AKR7A3: variants seen among roughly 807,000 people sequenced by gnomAD.
The protein encoded by AKR7A3 is AFB1 aldehyde reductase 2.
Under a neutral mutation model 32.5 loss-of-function variants are expected in AKR7A3, and 37 were observed. The ratio of observed to expected loss-of-function variants is 1.14; its 90% CI spans 0.88 to 1.50. The LOEUF (loss-of-function observed/expected upper bound fraction) is 1.50. AKR7A3 is among the 40% of genes most tolerant of loss of function. AKR7A3 has a pLI of 0.00. For synonymous variants in AKR7A3, 177 were observed against 188.4 expected, an observed-to-expected ratio of 0.94 and a Z score of 0.50; for missense variants, 412 against 453.2, an observed-to-expected ratio of 0.91 and a Z score of 0.83.
intron 1 of AKR7A3, among the ~76,000 whole-genome samples, chr1:19,287,466 C>CAG (rs1202309231): frequency 3.3e-5 from 5 of 151,852 alleles, no homozygotes; most frequent in Non-Finnish European, 7.3e-5. Context: ...CTCAGACACT[C>CAG]AGTGGAAGGA....
the AKR7A3 span, among the ~76,000 whole-genome samples, chr1:19,277,052 T>G: frequency 6.6e-6 from 1 of 151,760 alleles, no homozygotes. Context: ...AGGTGGAGGC[T>G]GCAGTGAGCC....
downstream of AKR7A3, among the ~76,000 whole-genome samples, chr1:19,280,983 A>G (rs1389362309): frequency 6.6e-6 from 1 of 151,890 alleles, no homozygotes; most frequent in African/African-American, 2.4e-5. Context: ...ATTTATGTCT[A>G]GCCTTATGCT....
chr1:19,278,886 A>G (rs2093714868), downstream of AKR7A3, among the ~76,000 whole-genome samples: 1 of 151,954 alleles, frequency 6.6e-6, no homozygotes, highest in African/African-American at 2.4e-5. Flanking sequence ...AACCTTTTGC[A>G]ATTGGCGTCT....
chr1:19,279,777 T>C (rs550236308), downstream of AKR7A3, among the ~76,000 whole-genome samples: 1 of 152,078 alleles, frequency 6.6e-6, no homozygotes, highest in East Asian at 1.9e-4. Flanking sequence ...ATTATTGATA[T>C]TGTTATTGTT....
At chr1:19,283,317 G>A (rs1246613275) in intron 6 of AKR7A3, among the ~76,000 whole-genome samples, 1 of 151,710 alleles carries the variant, frequency 6.6e-6, no homozygotes, top group African/African-American at 2.4e-5. Flanking sequence ...AGGAAGACAT[G>A]AGGCACTGAG....
downstream of AKR7A3, among the ~76,000 whole-genome samples, chr1:19,278,736 AACCCTGT>A (rs1246664549): frequency 1.3e-5 from 2 of 151,824 alleles, no homozygotes; most frequent in Non-Finnish European, 2.9e-5. Flanking sequence ...ACCCAAAAGA[AACCCTGT>A]ACTTATTAGC....
chr1:19,275,735 G>T, the AKR7A3 span, among the ~76,000 whole-genome samples: 1 of 151,712 alleles, frequency 6.6e-6, no homozygotes, highest in African/African-American at 2.4e-5. Context: ...AGCCTAGGAG[G>T]TCAAGGCTGC....
chr1:19,288,426 G>A (rs542095657), intron 1 of AKR7A3, 70 bp downstream of exon 1: 3 of 1,533,712 alleles, frequency 2.0e-6, no homozygotes, highest in Non-Finnish European at 2.6e-6. Context: ...CAGGGAGAGC[G>A]GGGCGGTACA....
downstream of AKR7A3, among the ~76,000 whole-genome samples, chr1:19,277,776 C>A (rs1463193758): frequency 2.6e-5 from 4 of 151,998 alleles, no homozygotes; most frequent in Non-Finnish European, 1.5e-5. Context: ...CCACCTCAGC[C>A]TCCCAAAGTG....
At chr1:19,287,987 A>C (rs1470345831) in intron 1 of AKR7A3, among the ~76,000 whole-genome samples, 1 of 152,186 alleles carries the variant, frequency 6.6e-6, no homozygotes, top group African/African-American at 2.4e-5. Flanking sequence ...AGGTACTCAG[A>C]GCAAAGTCCG....
At chr1:19,279,361 C>A (rs2093715656), downstream of AKR7A3, among the ~76,000 whole-genome samples, 1 of 151,762 alleles carries the variant, frequency 6.6e-6, no homozygotes, top group Admixed American at 6.6e-5. Flanking sequence ...TACTTATTGG[C>A]TATTATGAGT....
At position 19,286,309 on chromosome 1, in the gene AKR7A3, A is replaced by T; in HGVS notation, c.278T>A (p.Phe93Tyr). 1 of 1,613,920 alleles carries T rather than the reference A, an allele frequency of 6.2e-7. No individual in the cohort carries two copies. The highest frequency in any genetic ancestry group is 1.1e-5 in the South Asian group (1 of 91,078). The stretch of plus-strand genomic sequence containing the variant: ...CCGCTTCAGTGACGTCTCCAGCTGG[A>T]ACCGGAGACTGTCAGGCTTCAGGGA... ...GNSLKPDSLR[F>Y]QLETSLKRLQ... The change falls in exon 2 of 7, where the codon TTC (phenylalanine) becomes TAC (tyrosine). Residue 93 changes from phenylalanine (F) to tyrosine (Y), a missense_variant. Phe to Tyr is a conservative substitution (Grantham distance 22). Coordinates refer to ENST00000361640, the MANE Select transcript of AKR7A3 (RefSeq NM_012067.3).
chr1:19,281,499 G>T (rs958531990), downstream of AKR7A3, among the ~76,000 whole-genome samples: 1 of 151,698 alleles, frequency 6.6e-6, no homozygotes, highest in African/African-American at 2.4e-5. Flanking sequence ...AACCAGGTGG[G>T]TGGCTCACAC....
chr1:19,288,524 C>A lies in AKR7A3; in HGVS notation c.186G>T (p.Gly62=). The part of the protein sequence containing the change: ...GQSETILGGL[G]LRLGGSDCRV... Reference sequence around the variant, plus strand: ...TGCAGTCGCTGCCGCCCAGCCGGAGCCCCAGGCCGCCAAGGATGGTCTCGG... The same window carrying A: ...TGCAGTCGCTGCCGCCCAGCCGGAGACCCAGGCCGCCAAGGATGGTCTCGG... The change falls in exon 1 of 7, where the codon GGG becomes GGT. Residue 62 remains glycine (G), a synonymous_variant. Transcript: ENST00000361640. 6.2e-7 allele frequency: 1 copy of A among 1,611,096 alleles called. No individual in the cohort carries two copies. The highest frequency in any genetic ancestry group is 8.5e-7 in the Non-Finnish European group (1 of 1,179,474).
chr1:19,282,071 A>G (rs1055559816), downstream of AKR7A3, among the ~76,000 whole-genome samples: 1 of 151,920 alleles, frequency 6.6e-6, no homozygotes, highest in African/African-American at 2.4e-5. Flanking sequence ...TTGGGTGACT[A>G]TTGGGAAGGG....
chr1:19,284,930 T>C (rs1280742642), intron 4 of AKR7A3, 88 bp downstream of exon 4: 3 of 1,596,988 alleles, frequency 1.9e-6, no homozygotes, highest in Non-Finnish European at 2.6e-6. Context: ...GGTCAAAGTT[T>C]GTCAAACCCT....
chr1:19,280,329 T>G (rs2093716818), downstream of AKR7A3, among the ~76,000 whole-genome samples: 3 of 150,144 alleles, frequency 2.0e-5, 1 homozygote, highest in African/African-American at 7.4e-5. Context: ...CTGCAACCTC[T>G]GCCTCCTGGG....
At chr1:19,287,159 A>G (rs1450757234) in intron 1 of AKR7A3, among the ~76,000 whole-genome samples, 1 of 151,660 alleles carries the variant, frequency 6.6e-6, no homozygotes, top group Non-Finnish European at 1.5e-5. Context: ...AATACAAAAA[A>G]TTAGCCGGGT....
chr1:19,286,185 C>G lies in AKR7A3; in HGVS notation c.402G>C (p.Glu134Asp). ...TLRACHQLHQEGKFVELGLSN... is the reference protein window; with the variant it reads ...TLRACHQLHQDGKFVELGLSN... ...TCCCAGAGCTCAGGGGTCCCCTCACCTCCTGGTGCAGCTGGTGGCAGGCAC... is the reference window on the plus strand; with the variant it reads ...TCCCAGAGCTCAGGGGTCCCCTCACGTCCTGGTGCAGCTGGTGGCAGGCAC... The change falls in exon 2 of 7, where the codon GAG (glutamate) becomes GAC (aspartate). Residue 134 changes from glutamate to aspartate, a missense_variant and splice_region_variant. Coordinates refer to ENST00000361640, the MANE Select transcript of AKR7A3 (RefSeq NM_012067.3). The G allele has an allele frequency of 1.9e-6, 3 of 1,612,624 alleles. No individual in the cohort carries two copies. The highest frequency in any genetic ancestry group is 2.5e-6 in the Non-Finnish European group (3 of 1,179,928).
Sources: allele counts gnomAD v4.1 joint callset (sites outside exome capture counted in the v4.1 genomes callset), GRCh38; gene constraint gnomAD v4.1.1; transcripts MANE v1.5; gene names NCBI Gene and HGNC (gene_info 2026-07-23, HGNC 2026-07-21).